Variants in NUP88 observed in about 807,000 individuals in gnomAD.
NUP88 encodes nucleoporin 88.
In NUP88, 57 loss-of-function variants were observed where a neutral mutation model predicts 93.9. The observed-to-expected ratio is 0.61, with a 90% CI of 0.49 to 0.76. The LOEUF is 0.76. Among genes scored for constraint, NUP88 ranks in the 30% least tolerant of loss-of-function variants. The pLI is 0.00. For synonymous variants in NUP88, 346 were observed against 336.8 expected (o/e 1.03, Z -0.30); for missense variants, 911 against 901.0 (o/e 1.01, Z -0.14).
chr17:5,411,924 C>G (rs1913865989), intron 3 of NUP88, among the ~76,000 whole-genome samples: 1 of 152,098 alleles, frequency 6.6e-6, no homozygotes, highest in Non-Finnish European at 1.5e-5. Flanking sequence ...TTCCTAGGTT[C>G]CTACAAGCGT....
chr17:5,409,691 C>T (rs1335938395), intron 4 of NUP88, among the ~76,000 whole-genome samples: 3 of 151,900 alleles, frequency 2.0e-5, no homozygotes, highest in Non-Finnish European at 4.4e-5. Context: ...AGAGAAATAC[C>T]ACAAAAAGAG....
intron 5 of NUP88, among the ~76,000 whole-genome samples, chr17:5,406,527 T>G (rs1158411859): frequency 6.6e-6 from 1 of 152,036 alleles, no homozygotes; most frequent in Non-Finnish European, 1.5e-5. Flanking sequence ...TACAAATCAG[T>G]CTGGTATTAG....
chr17:5,394,060 G>A (rs1912617539), intron 9 of NUP88, among the ~76,000 whole-genome samples: 1 of 152,166 alleles, frequency 6.6e-6, no homozygotes, highest in Non-Finnish European at 1.5e-5. Flanking sequence ...GGGGACATCT[G>A]GAGTTTTATG....
chr17:5,399,792 G>A (rs1199280511), intron 7 of NUP88, 142 bp from the exon 8 acceptor site: 7 of 472,150 alleles, frequency 1.5e-5, no homozygotes, highest in African/African-American at 2.0e-5. Context: ...TATTGTTAGG[G>A]GTTTTGAAAT....
rs199804588 is a variant in NUP88, at chr17:5,400,139, T to TAAAAAAAAAAAAAAAAAAA, written c.1193-490_1193-489insTTTTTTTTTTTTTTTTTTT. On this transcript the variant is annotated intron_variant, in intron 7 of 16. Transcript: ENST00000573584. Reference sequence around the variant, plus strand: ...GCAGGGTTGCCACATCTTTCATTTGTTAAAAAAAAAAAAAAAAAGCACTGT... The same window carrying TAAAAAAAAAAAAAAAAAAA: ...GCAGGGTTGCCACATCTTTCATTTGTAAAAAAAAAAAAAAAAAAATAAAAAAAAAAAAAAAAAGCACTGT... Among the ~76,000 whole-genome samples, 9 of 111,644 alleles carry TAAAAAAAAAAAAAAAAAAA rather than the reference T, an allele frequency of 8.1e-5. 2 individuals carry two copies. The highest frequency in any genetic ancestry group is 6.8e-5 in the African/African-American group (2 of 29,258). The allele number at this position is 111,644 out of a possible 152,430, so 73.2% of individuals were successfully genotyped here. A position where few individuals can be genotyped will look rare whatever the true frequency, so the allele number is the denominator to read the frequency against.
Position 5,392,243 on chromosome 17 carries a change from C to A in NUP88, c.1383-581G>T, listed in dbSNP as rs192466823. On this transcript the variant is annotated intron_variant, in intron 9 of 16. Transcript: ENST00000573584. The stretch of plus-strand genomic sequence containing the variant: ...ACACATCTGCCCCCGAATGTGGATG[C>A]CGCCTCCTCTCACACCTTCTGAAAA... Among the ~76,000 whole-genome samples, 43 of 152,332 alleles carry A rather than the reference C, an allele frequency of 2.8e-4. No individual in the cohort carries two copies. The East Asian group carries it at 8.3e-3, about 29-fold the overall frequency.
At chr17:5,392,853 G>A (rs147828216) in intron 9 of NUP88, among the ~76,000 whole-genome samples, 86 of 152,270 alleles carry the variant, frequency 5.6e-4, no homozygotes, top group Non-Finnish European at 1.0e-3. Context: ...GCAATAGTGC[G>A]ATCACGACTC....
At chr17:5,391,143 G>A (rs530079189) in intron 10 of NUP88, among the ~76,000 whole-genome samples, 5 of 152,164 alleles carry the variant, frequency 3.3e-5, no homozygotes, top group African/African-American at 1.2e-4. Flanking sequence ...CTCGATCCCC[G>A]TTTCCACTTT....
At chr17:5,418,203 G>C (rs1251623948) in intron 1 of NUP88, 2 of 151,810 alleles carry the variant, frequency 1.3e-5, no homozygotes, top group East Asian at 3.9e-4. Flanking sequence ...TATGTCAAAT[G>C]CTACACAGCA....
At chr17:5,416,912 T>G (rs1914186860) in intron 1 of NUP88, among the ~76,000 whole-genome samples, 1 of 151,328 alleles carries the variant, frequency 6.6e-6, no homozygotes, top group Admixed American at 6.6e-5. Context: ...GACTTTACTA[T>G]GGGGGTTCAA....
chr17:5,397,571 A>G (rs1912855261), intron 8 of NUP88, among the ~76,000 whole-genome samples: 1 of 152,228 alleles, frequency 6.6e-6, no homozygotes, highest in Non-Finnish European at 1.5e-5. Flanking sequence ...GCTTTCAGAA[A>G]GGAAAACTGC....
Position 5,416,638 on chromosome 17 carries a change from G to T in NUP88, c.342C>A (p.Val114=), listed in dbSNP as rs768608739. ...CATGATGTTGTGTTGGGCTTAACAA[G>T]ACTTGATAGATTTCAAACAGGGGTG... The part of the protein sequence containing the change: ...INPPLFEIYQ[V]LLSPTQHHVA... The change falls in exon 2 of 17, where the codon GTC becomes GTA. Residue 114 remains valine, a synonymous_variant. Coordinates refer to ENST00000573584, the MANE Select transcript of NUP88 (RefSeq NM_002532.6). 1.2e-6 allele frequency: 2 copies of T among 1,610,982 alleles called. No homozygotes were observed. Among genetic ancestry groups the T allele is most frequent in the Non-Finnish European group, 1.7e-6 (2 of 1,179,204 alleles).
At chr17:5,417,238 T>C (rs1400969839) in intron 1 of NUP88, among the ~76,000 whole-genome samples, 1 of 152,196 alleles carries the variant, frequency 6.6e-6, no homozygotes, top group Non-Finnish European at 1.5e-5. Context: ...GTTATTGAGA[T>C]AGTCACCAAT....
intron 11 of NUP88, 123 bp downstream of exon 11, chr17:5,388,679 A>G: frequency 2.4e-6 from 2 of 850,458 alleles, no homozygotes; most frequent in Non-Finnish European, 3.5e-6. Flanking sequence ...AAATATATCC[A>G]GTTTCTTCCA....
chr17:5,394,251 T>C (rs1912630061), intron 9 of NUP88, among the ~76,000 whole-genome samples: 1 of 152,080 alleles, frequency 6.6e-6, no homozygotes, highest in East Asian at 1.9e-4. Flanking sequence ...AGGAAAGAGT[T>C]GTGAGCATTA....
rs377288569 is a variant in NUP88 at position 5,387,751 on chromosome 17, G to A, written c.1769+28C>T. On this transcript the variant is annotated intron_variant, in intron 12 of 16. Transcript: ENST00000573584. ...CAGCATCAGCTACCAGCCAGGGATC[G>A]ATGGTTTGTGAACACAGGACATCAT... The A allele has an allele frequency of 3.7e-5, 59 of 1,609,890 alleles. No individual in the cohort carries two copies. The African/African-American group carries it at 7.5e-4, about 20-fold the overall frequency.
At chr17:5,407,099 G>A (rs761724862) in intron 5 of NUP88, among the ~76,000 whole-genome samples, 5 of 152,122 alleles carry the variant, frequency 3.3e-5, no homozygotes, top group Non-Finnish European at 5.9e-5. Flanking sequence ...TGTGTGAAAG[G>A]CAGAGAACAT....
chr17:5,392,743 T>C (rs1340574650), intron 9 of NUP88, among the ~76,000 whole-genome samples: 1 of 152,232 alleles, frequency 6.6e-6, no homozygotes, highest in African/African-American at 2.4e-5. Flanking sequence ...TATTCACTCC[T>C]AGGCAAGACT....
chr17:5,391,918 G>A (rs1050420261), intron 9 of NUP88, among the ~76,000 whole-genome samples: 2 of 127,862 alleles, frequency 1.6e-5, no homozygotes, highest in Admixed American at 1.5e-4. Context: ...AAAGTTACAC[G>A]TTACACTGAA....
Sources: gnomAD v4.1 joint callset for allele counts (sites outside exome capture counted in the v4.1 genomes callset) on GRCh38, gnomAD v4.1.1 for gene constraint, MANE v1.5 for transcripts, NCBI Gene and HGNC (gene_info 2026-07-23, HGNC 2026-07-21) for gene names.